PARD3: variants seen among roughly 807,000 people sequenced by gnomAD.
The protein encoded by PARD3 is par-3 family cell polarity regulator.
In PARD3, 75 loss-of-function variants were observed where a neutral mutation model predicts 155.4. The observed-to-expected ratio is 0.48, with a 90% confidence interval of 0.40 to 0.58. The LOEUF (loss-of-function observed/expected upper bound fraction) is 0.58, where lower values mean the gene tolerates loss of function less well. Among genes scored for constraint, PARD3 ranks in the 20% least tolerant of loss-of-function variants. The pLI is 0.00. For missense variants in PARD3, 1,642 were observed against 1,721.7 expected, an observed-to-expected ratio of 0.95 and a Z score of 0.82; for synonymous variants, 576 against 610.5, an observed-to-expected ratio of 0.94 and a Z score of 0.83.
intron 2 of PARD3, among the ~76,000 whole-genome samples, chr10:34,612,608 T>C (rs886081540): frequency 6.6e-5 from 10 of 152,250 alleles, no homozygotes; most frequent in Non-Finnish European, 1.3e-4. Context: ...CATGTGAACC[T>C]TGATGATTAA....
At chr10:34,298,406 T>C (rs1957007528) in intron 20 of PARD3, among the ~76,000 whole-genome samples, 1 of 152,166 alleles carries the variant, frequency 6.6e-6, no homozygotes, top group Non-Finnish European at 1.5e-5. Flanking sequence ...AATAAAATAC[T>C]ACTCAGCTTC....
At chr10:34,313,325 TTAAGG>T (rs1957805972) in intron 20 of PARD3, among the ~76,000 whole-genome samples, 1 of 152,246 alleles carries the variant, frequency 6.6e-6, no homozygotes. Flanking sequence ...GCCATTTTAA[TTAAGG>T]TGATAGAAGC....
intron 22 of PARD3, among the ~76,000 whole-genome samples, chr10:34,145,768 T>C (rs1948478188): frequency 6.6e-6 from 1 of 152,206 alleles, no homozygotes; most frequent in African/African-American, 2.4e-5. Context: ...ACAAACGTTG[T>C]TTGTTTTGGA....
chr10:34,223,115 G>A (rs1952398715), intron 22 of PARD3, among the ~76,000 whole-genome samples: 1 of 152,122 alleles, frequency 6.6e-6, no homozygotes, highest in Non-Finnish European at 1.5e-5. Context: ...TGGGGTCGGA[G>A]AGCAGAGGCA....
chr10:34,383,976 T>G (rs1378762954), intron 8 of PARD3, among the ~76,000 whole-genome samples, 153 bp downstream of exon 8: 4 of 152,212 alleles, frequency 2.6e-5, no homozygotes, highest in African/African-American at 9.6e-5. Context: ...TATTAATTAC[T>G]GAGTATGTTT....
chr10:34,169,444 C>T (rs565710626), intron 22 of PARD3, among the ~76,000 whole-genome samples: 22 of 152,196 alleles, frequency 1.4e-4, no homozygotes, highest in Admixed American at 6.5e-4. Flanking sequence ...CTTAGTTTTA[C>T]TGACAAATAT....
At chr10:34,603,874 C>T (rs1025938857) in intron 2 of PARD3, among the ~76,000 whole-genome samples, 1 of 152,156 alleles carries the variant, frequency 6.6e-6, no homozygotes, top group Non-Finnish European at 1.5e-5. Flanking sequence ...ACCAAGGGCA[C>T]AGTACACAGA....
intron 5 of PARD3, among the ~76,000 whole-genome samples, chr10:34,440,695 C>T (rs975184080): frequency 6.6e-6 from 1 of 151,954 alleles, no homozygotes; most frequent in African/African-American, 2.4e-5. Context: ...GCCAAAGAAG[C>T]AATAAATAAA....
chr10:34,329,775 T>A (rs1371880544), intron 19 of PARD3, among the ~76,000 whole-genome samples: 1 of 152,120 alleles, frequency 6.6e-6, no homozygotes, highest in African/African-American at 2.4e-5. Context: ...AGATGGAGAA[T>A]CAGGTGGAGG....
chr10:34,239,478 T>C (rs1953441210), intron 22 of PARD3, among the ~76,000 whole-genome samples: 1 of 152,120 alleles, frequency 6.6e-6, no homozygotes, highest in South Asian at 2.1e-4. Context: ...TCCCCTAAGA[T>C]CTTTCTGCTA....
At chr10:34,621,167 C>CT (rs2091647727) in intron 2 of PARD3, among the ~76,000 whole-genome samples, 1 of 152,090 alleles carries the variant, frequency 6.6e-6, no homozygotes, top group East Asian at 1.9e-4. Flanking sequence ...GTAGTTTCCA[C>CT]TTTTTTTGTT....
chr10:34,465,863 A>G (rs1024133118), intron 4 of PARD3, among the ~76,000 whole-genome samples: 1 of 152,142 alleles, frequency 6.6e-6, no homozygotes, highest in Non-Finnish European at 1.5e-5. Flanking sequence ...AGAGCTCATT[A>G]CATCTTTCTT....
chr10:34,611,404 G>A (rs1421852607), intron 2 of PARD3, among the ~76,000 whole-genome samples: 4 of 152,136 alleles, frequency 2.6e-5, no homozygotes, highest in African/African-American at 4.8e-5. Context: ...TGTACTATCC[G>A]AACTGGAAGG....
chr10:34,374,411 T>C (rs950587716), intron 11 of PARD3, among the ~76,000 whole-genome samples: 1 of 152,184 alleles, frequency 6.6e-6, no homozygotes, highest in Non-Finnish European at 1.5e-5. Context: ...AATAATAATT[T>C]TTTTAAAAAG....
chr10:34,569,111 C>T (rs2086182811), intron 2 of PARD3, among the ~76,000 whole-genome samples: 1 of 152,190 alleles, frequency 6.6e-6, no homozygotes, highest in Admixed American at 6.5e-5. Flanking sequence ...AAGCAAATCA[C>T]TGTGGCACTC....
At chr10:34,760,100 C>A (rs1243703288) in intron 1 of PARD3, among the ~76,000 whole-genome samples, 1 of 152,130 alleles carries the variant, frequency 6.6e-6, no homozygotes, top group African/African-American at 2.4e-5. Flanking sequence ...TGGGAGGCAG[C>A]CTCTAAAATG....
At chr10:34,174,154 G>A (rs1949930241) in intron 22 of PARD3, among the ~76,000 whole-genome samples, 2 of 152,212 alleles carry the variant, frequency 1.3e-5, no homozygotes, top group African/African-American at 2.4e-5. Context: ...CAGCATACAC[G>A]TGGCCAACTA....
intron 5 of PARD3, among the ~76,000 whole-genome samples, chr10:34,426,063 A>C (rs1173657828): frequency 6.6e-6 from 1 of 152,236 alleles, no homozygotes; most frequent in Non-Finnish European, 1.5e-5. Flanking sequence ...AGAAATATTT[A>C]ACTGAGCAAA....
chr10:34,448,134 CGTGT>C (rs35325584), intron 5 of PARD3, among the ~76,000 whole-genome samples: 2,476 of 147,082 alleles, frequency 0.017, 26 homozygotes, highest in African/African-American at 0.038. Flanking sequence ...ATATACACTG[CGTGT>C]GTGTGTGTGT....
Sources: allele counts gnomAD v4.1 joint callset (sites outside exome capture counted in the v4.1 genomes callset), GRCh38; gene constraint gnomAD v4.1.1; transcripts MANE v1.5; gene names NCBI Gene and HGNC (gene_info 2026-07-23, HGNC 2026-07-21).